GRIK4: variants seen among roughly 807,000 people sequenced by gnomAD.
The protein encoded by GRIK4 is glutamate ionotropic receptor kainate type subunit 4, also known as glutamate receptor ionotropic, kainate 4.
Under a neutral mutation model 104.9 loss-of-function variants are expected in GRIK4, and 40 were observed. That is an observed-to-expected ratio of 0.38 (90% CI 0.30 to 0.50). The LOEUF (loss-of-function observed/expected upper bound fraction) is 0.50, where lower values mean the gene tolerates loss of function less well. GRIK4 is among the 20% of genes least tolerant of loss of function. The pLI is 0.93. For synonymous variants in GRIK4, 485 were observed against 524.9 expected (o/e 0.92, Z 1.04); for missense variants, 1,047 against 1,308.1 (o/e 0.80, Z 3.08).
chr11:120,899,779 G>A (rs1307750830), intron 12 of GRIK4, among the ~76,000 whole-genome samples: 2 of 152,126 alleles, frequency 1.3e-5, no homozygotes, highest in Non-Finnish European at 2.9e-5. Flanking sequence ...ACTTTTCCCT[G>A]CCTGGCCCAG....
chr11:120,538,803 A>G (rs953785454), intron 1 of GRIK4, among the ~76,000 whole-genome samples: 1 of 152,230 alleles, frequency 6.6e-6, no homozygotes, highest in African/African-American at 2.4e-5. Flanking sequence ...GGAAGTCTGT[A>G]GGGTGACTCT....
intron 3 of GRIK4, among the ~76,000 whole-genome samples, chr11:120,695,780 GA>G (rs1950438195): frequency 6.6e-6 from 1 of 152,244 alleles, no homozygotes; most frequent in Non-Finnish European, 1.5e-5. Context: ...TGGCCCTGCA[GA>G]GGCCTGGCAG....
At chr11:120,592,947 C>T (rs1014174823) in intron 1 of GRIK4, among the ~76,000 whole-genome samples, 3 of 152,164 alleles carry the variant, frequency 2.0e-5, no homozygotes, top group African/African-American at 7.2e-5. Flanking sequence ...CTTTGGGAGG[C>T]CCAGGCGGGC....
intron 6 of GRIK4, among the ~76,000 whole-genome samples, chr11:120,825,808 C>T (rs1367370868): frequency 6.6e-6 from 1 of 152,158 alleles, no homozygotes; most frequent in African/African-American, 2.4e-5. Context: ...TAACTGGGCC[C>T]AGAACACGAT....
intron 4 of GRIK4, among the ~76,000 whole-genome samples, chr11:120,806,216 C>T (rs1382820504): frequency 6.6e-6 from 1 of 152,142 alleles, no homozygotes; most frequent in Non-Finnish European, 1.5e-5. Flanking sequence ...AGCCTCCCCC[C>T]TCTCTCTTGT....
At chr11:120,705,015 G>GT (rs1950606526) in intron 3 of GRIK4, among the ~76,000 whole-genome samples, 1 of 152,136 alleles carries the variant, frequency 6.6e-6, no homozygotes, top group African/African-American at 2.4e-5. Context: ...AGATGTTTCA[G>GT]TTTTTTCTGG....
At chr11:120,779,091 T>C (rs1952098352) in intron 3 of GRIK4, among the ~76,000 whole-genome samples, 1 of 152,054 alleles carries the variant, frequency 6.6e-6, no homozygotes, top group South Asian at 2.1e-4. Context: ...CATTCCTTCA[T>C]GATTGAGGGG....
chr11:120,947,156 C>A (rs35024210), intron 14 of GRIK4, among the ~76,000 whole-genome samples: 35,854 of 152,190 alleles, frequency 0.24, 4,450 homozygotes, highest in East Asian at 0.36. Flanking sequence ...GTAATCCCAG[C>A]ATTTTGGGAG....
chr11:120,641,348 A>G (rs1396007111), intron 1 of GRIK4, among the ~76,000 whole-genome samples: 2 of 152,034 alleles, frequency 1.3e-5, no homozygotes, highest in African/African-American at 4.8e-5. Flanking sequence ...AGTGATTTCT[A>G]TATAGTAAAT....
chr11:120,871,272 C>G, intron 9 of GRIK4: 1 of 228,974 alleles, frequency 4.4e-6, no homozygotes, highest in South Asian at 6.8e-5. Context: ...CAGCATTAGT[C>G]TGTGGCATGT....
chr11:120,578,064 G>A (rs893178000), intron 1 of GRIK4, among the ~76,000 whole-genome samples: 2 of 152,196 alleles, frequency 1.3e-5, no homozygotes, highest in African/African-American at 4.8e-5. Flanking sequence ...GTGTCTGTGT[G>A]TGTGCATGTG....
At chr11:120,871,544 A>G (rs962037977) in intron 9 of GRIK4, 5 of 455,348 alleles carry the variant, frequency 1.1e-5, no homozygotes, top group Non-Finnish European at 1.8e-5. Context: ...ACTGTTCCCC[A>G]TGGTGAGAAT....
chr11:120,525,628 T>A (rs2136076998), intron 1 of GRIK4, among the ~76,000 whole-genome samples: 1 of 152,346 alleles, frequency 6.6e-6, no homozygotes, highest in South Asian at 2.1e-4. Flanking sequence ...GTTAGCCGCG[T>A]GCTACGTCCC....
rs1944770076 is a variant in GRIK4 at position 120,987,219 on chromosome 11, G to C, written c.*959G>C. On this transcript the variant is annotated 3_prime_UTR_variant, in exon 21 of 21. Transcript: ENST00000527524. ...ATCCTAGGACTTTGTTTAAGGAGCG[G>C]AAAGAGCAGATAGAATTTTCCCATA... 1 of 152,254 alleles carries C rather than the reference G, an allele frequency of 6.6e-6. No homozygotes were observed. The highest frequency in any genetic ancestry group is 1.5e-5 in the Non-Finnish European group (1 of 68,054). The allele number at this position is 152,254 out of a possible 1,614,324, so 9.4% of individuals were successfully genotyped here.
intron 13 of GRIK4, among the ~76,000 whole-genome samples, chr11:120,906,218 C>T (rs1189591220): frequency 2.0e-5 from 3 of 152,152 alleles, no homozygotes; most frequent in African/African-American, 7.2e-5. Flanking sequence ...TTAATTAAGT[C>T]ATTGGGAATT....
chr11:120,622,642 C>G (rs746248987), intron 1 of GRIK4, among the ~76,000 whole-genome samples: 1 of 152,172 alleles, frequency 6.6e-6, no homozygotes, highest in African/African-American at 2.4e-5. Flanking sequence ...AACAAATGAC[C>G]GGAAGCCAAG....
chr11:120,984,358 G>C (rs1302855206), intron 20 of GRIK4, among the ~76,000 whole-genome samples: 1 of 152,198 alleles, frequency 6.6e-6, no homozygotes, highest in Non-Finnish European at 1.5e-5. Flanking sequence ...GAGTTGATAG[G>C]TTTAGGTCCA....
At chr11:120,787,988 C>G (rs1203292624) in intron 3 of GRIK4, among the ~76,000 whole-genome samples, 2 of 150,150 alleles carry the variant, frequency 1.3e-5, no homozygotes, top group African/African-American at 4.9e-5. Context: ...GCGTCAGCCT[C>G]CCTAGTAGCT....
At position 120,672,893 on chromosome 11, in the gene GRIK4, T is replaced by G. The variant is rs1453719304; in HGVS notation, c.82+12493T>G. On this transcript the variant is annotated intron_variant, in intron 3 of 20. Transcript: ENST00000527524. The stretch of plus-strand genomic sequence containing the variant: ...CAAACAGAGATAATTTGATTTCCTC[T>G]CTTCCTATTTGAATATGCTTTACTT... Among the ~76,000 whole-genome samples the G allele has an allele frequency of 2.0e-5, 3 of 152,244 alleles. No individual in the cohort carries two copies. In the East Asian group the frequency reaches 5.8e-4, roughly 29 times the overall value.
Sources: allele counts gnomAD v4.1 joint callset (sites outside exome capture counted in the v4.1 genomes callset), GRCh38; gene constraint gnomAD v4.1.1; transcripts MANE v1.5; gene names NCBI Gene and HGNC (gene_info 2026-07-23, HGNC 2026-07-21).